The following OSBPL3 variants were observed in gnomAD, a reference collection of about 807,000 sequenced individuals.
The protein encoded by OSBPL3 is oxysterol binding protein like 3.
In OSBPL3, 65 loss-of-function variants were observed where a neutral mutation model predicts 120.1. That is an observed-to-expected ratio of 0.54 (90% confidence interval 0.44 to 0.67). OSBPL3 has a LOEUF of 0.67. OSBPL3 is among the 30% of genes least tolerant of loss of function. The pLI is 0.00. For missense variants in OSBPL3, 1,004 were observed against 1,082.1 expected (o/e 0.93, Z 1.01); for synonymous variants, 416 against 402.6 (o/e 1.03, Z -0.40).
rs2128300813 is a variant in OSBPL3 at position 24,877,959 on chromosome 7, A to G, written c.97-5890T>C. ...TACCAGGTGGAGAGAGAAACATGGG[A>G]GGGGTTGGGGGATGTGGCTTCTTAA... On this transcript the variant is annotated intron_variant, in intron 2 of 22. Transcript: ENST00000313367. The surrounding 1 kb of genome is among the most constrained non-coding windows in gnomAD (Gnocchi z 4.8). 6.6e-6 allele frequency among the ~76,000 whole-genome samples: 1 copy of G among 152,158 alleles called. No individual in the cohort carries two copies. The highest frequency in any genetic ancestry group is 2.4e-5 in the African/African-American group (1 of 41,520).
Position 24,815,008 on chromosome 7 carries a change from G to T in OSBPL3, c.2172+51C>A, listed in dbSNP as rs770763299. On this transcript the variant is annotated intron_variant, in intron 19 of 22. Transcript: ENST00000313367. The surrounding 1 kb of genome is among the most constrained non-coding windows in gnomAD (Gnocchi z 5.1). ...AAATGCCCTGTGCTCTGGGGCCCTGGCTCTGCCACAGCCCTTCCAGGGTCA... is the reference window on the plus strand; with the variant it reads ...AAATGCCCTGTGCTCTGGGGCCCTGTCTCTGCCACAGCCCTTCCAGGGTCA... 1 of 1,588,370 alleles carries T rather than the reference G, an allele frequency of 6.3e-7. No homozygotes were observed. Among genetic ancestry groups the T allele is most frequent in the South Asian group, 1.1e-5 (1 of 89,954 alleles).
chr7:24,949,531 T>A (rs1368048036), intron 1 of OSBPL3, among the ~76,000 whole-genome samples: 1 of 152,226 alleles, frequency 6.6e-6, no homozygotes, highest in East Asian at 1.9e-4. Flanking sequence ...ATCCTCTTGA[T>A]GTCCCCTTGT....
chr7:24,908,530 T>TC (rs1361831897), intron 1 of OSBPL3, among the ~76,000 whole-genome samples: 1 of 152,194 alleles, frequency 6.6e-6, no homozygotes, highest in Non-Finnish European at 1.5e-5. Context: ...GGTCTAGATT[T>TC]CCCCAAGACT....
At chr7:24,809,719 G>A (rs1793525551) in intron 20 of OSBPL3, 88 bp downstream of exon 20, 3 of 1,255,196 alleles carry the variant, frequency 2.4e-6, no homozygotes, top group Non-Finnish European at 3.4e-6. Context: ...ATGCTGAACA[G>A]ACACTACTCC....
chr7:24,911,109 G>A (rs1808761987), intron 1 of OSBPL3, among the ~76,000 whole-genome samples: 1 of 152,170 alleles, frequency 6.6e-6, no homozygotes, highest in South Asian at 2.1e-4. Context: ...TTTAATTTTG[G>A]TATTTAATTT....
intron 2 of OSBPL3, among the ~76,000 whole-genome samples, chr7:24,886,859 T>G (rs35665484): frequency 0.58 from 88,827 of 151,910 alleles, 26,058 homozygotes; most frequent in East Asian, 0.73. Flanking sequence ...TTGTCTCTCA[T>G]GAATCAACTC....
At chr7:24,979,487 G>A (rs1817969898) in intron 1 of OSBPL3, among the ~76,000 whole-genome samples, 1 of 152,158 alleles carries the variant, frequency 6.6e-6, no homozygotes, top group Admixed American at 6.5e-5. Flanking sequence ...ATGTGGTAAA[G>A]CTTCGCGCTC....
At chr7:24,882,310 C>A (rs371696172) in intron 2 of OSBPL3, among the ~76,000 whole-genome samples, 1 of 150,780 alleles carries the variant, frequency 6.6e-6, no homozygotes, top group South Asian at 2.1e-4. Context: ...TCTATGTCCA[C>A]CTGAATACAT....
chr7:24,845,167 C>G (rs1450951431), intron 12 of OSBPL3, among the ~76,000 whole-genome samples: 1 of 151,896 alleles, frequency 6.6e-6, no homozygotes, highest in African/African-American at 2.4e-5. Context: ...AAGGAAACCT[C>G]TGTTTTTTCT....
Position 24,918,990 on chromosome 7 carries a change from TAG to T in OSBPL3, c.-149-26371_-149-26370del, listed in dbSNP as rs1810056556. 6.6e-6 allele frequency among the ~76,000 whole-genome samples: 1 copy of T among 152,192 alleles called. No homozygotes were observed. Among genetic ancestry groups the T allele is most frequent in the Admixed American group, 6.5e-5 (1 of 15,280 alleles). On this transcript the variant is annotated intron_variant, in intron 1 of 22. Coordinates refer to ENST00000313367, the MANE Select transcript of OSBPL3 (RefSeq NM_015550.4). This position sits in a 1 kb window ranked among gnomAD's most constrained non-coding sequence, Gnocchi z 4.3. Reference sequence around the variant, plus strand: ...TTCCCCGAATTACCCTTTGATTTGGTAGAGTTTCATTTTATAGTTAAGAAACA... The same window carrying T: ...TTCCCCGAATTACCCTTTGATTTGGTAGTTTCATTTTATAGTTAAGAAACA...
At chr7:24,876,531 A>C (rs1054416513) in intron 2 of OSBPL3, among the ~76,000 whole-genome samples, 1 of 152,168 alleles carries the variant, frequency 6.6e-6, no homozygotes, top group African/African-American at 2.4e-5. Flanking sequence ...GTAAAGTACT[A>C]AGTATATATT....
Position 24,918,056 on chromosome 7 carries a change from T to C in OSBPL3, c.-149-25435A>G, listed in dbSNP as rs969959944. 1.0e-5 allele frequency: 10 copies of C among 984,504 alleles called. No individual in the cohort carries two copies. Among genetic ancestry groups the C allele is most frequent in the Middle Eastern group, 5.2e-4 (1 of 1,936 alleles). 61.0% of individuals were successfully genotyped at this position (984,504 alleles called of 1,614,324 possible). A position where few individuals can be genotyped will look rare whatever the true frequency, so the allele number is the denominator to read the frequency against. ...TGACTAGCACTCTTACCTATAAAGG[T>C]TGGCTTATCCTCGACGCACATAATG... On this transcript the variant is annotated intron_variant, in intron 1 of 22. Coordinates refer to ENST00000313367, the MANE Select transcript of OSBPL3 (RefSeq NM_015550.4). This position sits in a 1 kb window ranked among gnomAD's most constrained non-coding sequence, Gnocchi z 4.3.
intron 2 of OSBPL3, among the ~76,000 whole-genome samples, chr7:24,875,432 G>A (rs1214399656): frequency 6.6e-6 from 1 of 152,086 alleles, no homozygotes; most frequent in Non-Finnish European, 1.5e-5. Context: ...GTCATGCCTG[G>A]ACTTTTACAT....
chr7:24,870,804 G>C lies in OSBPL3; in HGVS notation c.309C>G (p.Leu103=). The change falls in exon 5 of 23, where the codon CTC becomes CTG. Residue 103 remains leucine, a synonymous_variant. Transcript: ENST00000313367. ...ATGACTTCTTTACAGACATCACTGA[G>C]AGCCCGACATCAATGCAGCCATGCA... The part of the protein sequence containing the change: ...EKLHGCIDVG[L]SVMSVKKSSK... The C allele has an allele frequency of 6.2e-7, 1 of 1,613,910 alleles. No individual in the cohort carries two copies. The highest frequency in any genetic ancestry group is 8.5e-7 in the Non-Finnish European group (1 of 1,179,790).
At position 24,966,363 on chromosome 7, in the gene OSBPL3, T is replaced by C. The variant is rs572876735; in HGVS notation, c.-150+13523A>G. ...TCTAATATAAAGATCTATCTACACC[T>C]AGCTACACACACCCAGGAAAATAAG... On this transcript the variant is annotated intron_variant, in intron 1 of 22. Transcript: ENST00000313367. The surrounding 1 kb of genome is among the most constrained non-coding windows in gnomAD (Gnocchi z 4.8). Among the ~76,000 whole-genome samples the C allele has an allele frequency of 6.6e-6, 1 of 152,298 alleles. No homozygotes were observed. Among genetic ancestry groups the C allele is most frequent in the South Asian group, 2.1e-4 (1 of 4,828 alleles).
chr7:24,834,140 A>C lies in OSBPL3; in HGVS notation c.1746+346T>G. Reference sequence around the variant, plus strand: ...TAAATTCTGTCCACCCAGGGAAGTAAAAATAAACATGCAGACAGCCCTAAA... The same window carrying C: ...TAAATTCTGTCCACCCAGGGAAGTACAAATAAACATGCAGACAGCCCTAAA... On this transcript the variant is annotated intron_variant, in intron 15 of 22. Transcript: ENST00000313367. This position sits in a 1 kb window ranked among gnomAD's most constrained non-coding sequence, Gnocchi z 5.2. 4 of 1,019,168 alleles carry C rather than the reference A, an allele frequency of 3.9e-6. No homozygotes were observed. Among genetic ancestry groups the C allele is most frequent in the Non-Finnish European group, 4.7e-6 (4 of 844,708 alleles). The allele number at this position is 1,019,168 out of a possible 1,614,324, so 63.1% of individuals were successfully genotyped here.
rs1818134611 is a variant in OSBPL3, at chr7:24,980,156, G to A, written c.-420C>T. On this transcript the variant is annotated 5_prime_UTR_variant, in exon 1 of 23. Transcript: ENST00000313367. ...GCGCCACCAGCACGCGGCCAGTTCT[G>A]AGTACTTTGCCCAGAACTTCTCGGC... 1.8e-6 allele frequency: 1 copy of A among 563,710 alleles called. No individual in the cohort carries two copies. The highest frequency in any genetic ancestry group is 2.2e-6 in the Non-Finnish European group (1 of 444,584). The allele number at this position is 563,710 out of a possible 1,614,324, so 34.9% of individuals were successfully genotyped here.
Position 24,806,854 on chromosome 7 carries a change from G to A in OSBPL3, c.2366C>T (p.Ala789Val), listed in dbSNP as rs1472338927. Residue 789 changes from alanine to valine, a missense_variant, in exon 21 of 23, where the codon GCG (alanine) becomes GTG (valine). Ala to Val is a moderately conservative substitution (Grantham distance 64). Coordinates refer to ENST00000313367, the MANE Select transcript of OSBPL3 (RefSeq NM_015550.4). This position sits in a 1 kb window ranked among gnomAD's most constrained non-coding sequence, Gnocchi z 5.2. ...TGGATCCATTTCATTTAATTCCAGC[G>A]CAAACTGTGTGAAGCTATAGTATTG... ...YEQYYSFTQF[A>V]LELNEMDPSS... The A allele has an allele frequency of 3.1e-6, 5 of 1,613,492 alleles. No homozygotes were observed. Among genetic ancestry groups the A allele is most frequent in the Non-Finnish European group, 4.2e-6 (5 of 1,179,458 alleles).
intron 11 of OSBPL3, among the ~76,000 whole-genome samples, chr7:24,850,830 T>G (rs907282200): frequency 6.6e-6 from 1 of 152,244 alleles, no homozygotes; most frequent in African/African-American, 2.4e-5. Context: ...ACATACCCAT[T>G]CTGATAACTC....
Sources: allele counts gnomAD v4.1 joint callset (sites outside exome capture counted in the v4.1 genomes callset), GRCh38; gene constraint gnomAD v4.1.1; non-coding constraint Gnocchi (gnomAD v3.1); transcripts MANE v1.5; gene names NCBI Gene and HGNC (gene_info 2026-07-23, HGNC 2026-07-21).